The following EIF4G3 variants were observed in gnomAD, a reference collection of about 807,000 sequenced individuals.
The protein encoded by EIF4G3 is eIF-4-gamma 3.
EIF4G3 carries 34 observed loss-of-function variants against 186.4 expected under a neutral mutation model. The ratio of observed to expected loss-of-function variants is 0.18; its 90% CI spans 0.14 to 0.24. The LOEUF (loss-of-function observed/expected upper bound fraction) is 0.24, where lower values mean the gene tolerates loss of function less well. EIF4G3 is among the 10% of genes least tolerant of loss of function. EIF4G3 has a pLI of 1.00. For synonymous variants in EIF4G3, 673 were observed against 679.5 expected (o/e 0.99, Z 0.15); for missense variants, 1,536 against 1,948.5 (o/e 0.79, Z 3.99).
intron 36 of EIF4G3, among the ~76,000 whole-genome samples, chr1:20,807,768 T>G (rs1446915453): frequency 7.0e-6 from 1 of 142,630 alleles, no homozygotes; most frequent in Non-Finnish European, 1.5e-5. Flanking sequence ...TTTTTTTTTT[T>G]TTTTTTTTTT....
At chr1:20,980,915 T>C (rs2077813974) in intron 9 of EIF4G3, 133 bp downstream of exon 9, 1 of 650,774 alleles carries the variant, frequency 1.5e-6, no homozygotes, top group African/African-American at 1.8e-5. Context: ...AAGGGCTAGA[T>C]TTGTAACCAA....
intron 2 of EIF4G3, among the ~76,000 whole-genome samples, chr1:21,173,273 T>C (rs1052180516): frequency 1.3e-5 from 2 of 151,640 alleles, no homozygotes; most frequent in Non-Finnish European, 2.9e-5. Flanking sequence ...CTCGGCTCAT[T>C]GCAACTTCTG....
In EIF4G3 at chr1:20,969,485, T is replaced by C. The variant is rs1242486655; in HGVS notation, c.703A>G (p.Thr235Ala). 3.7e-6 allele frequency: 6 copies of C among 1,613,398 alleles called. No homozygotes were observed. In the African/African-American group the frequency reaches 4.0e-5, roughly 11 times the overall value. Residue 235 changes from threonine to alanine, a missense_variant, in exon 12 of 37, where the codon ACT becomes GCT. Thr to Ala is a moderately conservative substitution (Grantham distance 58). This residue lies in a region of EIF4G3 where 560 missense variants were observed against 547.8 expected (regional missense o/e 1.02). Transcript: ENST00000602326. ...PPIGRPTSTP[T>A]PPQQLPSQVP... Reference sequence around the variant, plus strand: ...TCACTCTGTCTTACCTGAGGAGGAGTAGGTGTGGACGTGGGTCTTCCTATG... The same window carrying C: ...TCACTCTGTCTTACCTGAGGAGGAGCAGGTGTGGACGTGGGTCTTCCTATG...
chr1:20,858,991 T>C (rs1184512325), intron 24 of EIF4G3, among the ~76,000 whole-genome samples: 1 of 151,938 alleles, frequency 6.6e-6, no homozygotes, highest in Non-Finnish European at 1.5e-5. Context: ...GCGAGACTCA[T>C]CTCAAAAAAA....
chr1:20,980,556 G>GTAA (rs1179163654), intron 9 of EIF4G3, 108 bp from the exon 10 acceptor site: 2 of 736,876 alleles, frequency 2.7e-6, no homozygotes, highest in African/African-American at 1.9e-5. Flanking sequence ...AGTTCTCTGT[G>GTAA]TAAGAGAATC....
At position 20,899,940 on chromosome 1, in the gene EIF4G3, T is replaced by C. The variant is rs138581454; in HGVS notation, c.1756A>G (p.Lys586Glu). 104 of 1,604,180 alleles carry C rather than the reference T, an allele frequency of 6.5e-5. 2 individuals are homozygous for C. The East Asian group carries it at 7.4e-4, about 11-fold the overall frequency. Residue 586 changes from lysine to glutamate, a missense_variant, in exon 16 of 37, where the codon AAA becomes GAA. By Grantham distance (56) the Lys-to-Glu change is moderately conservative. Around this residue, in one of 11 missense-constraint regions of EIF4G3, gnomAD observed 560 missense variants for 547.8 expected, o/e 1.02. Transcript: ENST00000602326. ...TCAATGGAAAGCTCCTCTTCAGCTT[T>C]AAGCTAAATAATAAATGAACAAAGA... ...EEMLEAELEL[K>E]AEEELSIDKV...
chr1:21,029,562 G>A (rs12410467), intron 4 of EIF4G3, among the ~76,000 whole-genome samples: 43,857 of 151,812 alleles, frequency 0.29, 8,093 homozygotes, highest in Non-Finnish European at 0.41. Context: ...TTGAAGCCAG[G>A]AGTTTGAGAC....
intron 4 of EIF4G3, among the ~76,000 whole-genome samples, chr1:21,016,577 C>T (rs962164732): frequency 2.6e-5 from 4 of 151,976 alleles, no homozygotes; most frequent in African/African-American, 9.7e-5. Flanking sequence ...TCAGCTACTC[C>T]AGAGGCTGAA....
chr1:20,879,196 A>G, intron 20 of EIF4G3, 127 bp downstream of exon 20: 4 of 639,020 alleles, frequency 6.3e-6, no homozygotes, highest in Non-Finnish European at 9.5e-6. Context: ...AGAATATTAT[A>G]TCAATAAATA....
intron 3 of EIF4G3, among the ~76,000 whole-genome samples, chr1:21,084,444 G>C (rs1029625994): frequency 1.3e-5 from 2 of 152,030 alleles, no homozygotes; most frequent in Admixed American, 1.3e-4. Flanking sequence ...ACTATCACAA[G>C]AACAGCATGG....
At chr1:21,145,932 A>T (rs986392234) in intron 2 of EIF4G3, among the ~76,000 whole-genome samples, 1 of 151,698 alleles carries the variant, frequency 6.6e-6, no homozygotes, top group Non-Finnish European at 1.5e-5. Context: ...ACATTTTTAA[A>T]TTTTTTTTTT....
chr1:20,985,168 A>G (rs2079177583), intron 7 of EIF4G3, among the ~76,000 whole-genome samples: 1 of 152,196 alleles, frequency 6.6e-6, no homozygotes, highest in Non-Finnish European at 1.5e-5. Flanking sequence ...TTATCCAACT[A>G]TACTAACGGG....
At chr1:20,938,274 C>T (rs1335602560) in intron 14 of EIF4G3, among the ~76,000 whole-genome samples, 4 of 152,170 alleles carry the variant, frequency 2.6e-5, no homozygotes, top group African/African-American at 7.2e-5. Flanking sequence ...GGATTACAGG[C>T]ATGAGCCACC....
At chr1:21,083,260 G>A (rs979868673) in intron 3 of EIF4G3, among the ~76,000 whole-genome samples, 1 of 151,888 alleles carries the variant, frequency 6.6e-6, no homozygotes, top group Non-Finnish European at 1.5e-5. Context: ...TAAATAAAAA[G>A]TGGAGACTAT....
intron 4 of EIF4G3, among the ~76,000 whole-genome samples, chr1:21,026,936 C>CAAAA (rs146144076): frequency 1.1e-5 from 1 of 88,234 alleles, no homozygotes. Flanking sequence ...GACACTGTCT[C>CAAAA]AAAAAAAAAA....
intron 22 of EIF4G3, among the ~76,000 whole-genome samples, chr1:20,862,755 A>G (rs1046624995): frequency 1.3e-5 from 2 of 152,176 alleles, no homozygotes; most frequent in African/African-American, 4.8e-5. Context: ...ATTTATAGCC[A>G]AAATATAATG....
chr1:21,066,199 T>C (rs895147132), intron 3 of EIF4G3, among the ~76,000 whole-genome samples: 2 of 151,520 alleles, frequency 1.3e-5, no homozygotes, highest in Admixed American at 6.6e-5. Context: ...CTCATCCTAA[T>C]TGATTTTTCT....
At chr1:21,011,471 T>C (rs1324104222) in intron 4 of EIF4G3, among the ~76,000 whole-genome samples, 2 of 152,174 alleles carry the variant, frequency 1.3e-5, no homozygotes, top group African/African-American at 4.8e-5. Flanking sequence ...AAAAACCACA[T>C]CGATACAATC....
intron 4 of EIF4G3, among the ~76,000 whole-genome samples, chr1:21,014,827 T>G (rs966976059): frequency 2.6e-5 from 4 of 151,614 alleles, no homozygotes. Flanking sequence ...AGAGACGGGG[T>G]TTTTGCCATG....
Sources: gnomAD v4.1 joint callset for allele counts (sites outside exome capture counted in the v4.1 genomes callset) on GRCh38, gnomAD v4.1.1 for gene constraint, gnomAD v4.1.1 regional missense constraint, MANE v1.5 for transcripts, NCBI Gene and HGNC (gene_info 2026-07-23, HGNC 2026-07-21) for gene names.